The following COL9A1 variants were observed in gnomAD, a reference collection of about 807,000 sequenced individuals.
COL9A1 encodes collagen alpha-1(IX) chain.
Under a neutral mutation model 142.6 loss-of-function variants are expected in COL9A1, and 104 were observed. The ratio of observed to expected loss-of-function variants is 0.73; its 90% confidence interval spans 0.62 to 0.86. COL9A1 has a LOEUF of 0.86. Ranked by LOEUF, COL9A1 falls within the 40% of genes least tolerant of loss-of-function variation. COL9A1 has a pLI of 0.00. For synonymous variants in COL9A1, 466 were observed against 396.0 expected (o/e 1.18, Z -2.10); for missense variants, 1,210 against 1,176.6 (o/e 1.03, Z -0.42).
At position 70,271,685 on chromosome 6, in the gene COL9A1, G is replaced by A. The variant is rs1298969461; in HGVS notation, c.1113C>T (p.Leu371=). ...GTCCTACACGGCCAAGCTCTCCAGG[G>A]AGTCCTGCTGTCCCAGGAGGACCCT... The part of the protein sequence containing the change: ...GPPGPPGTAG[L]PGELGRVGPV... The change falls in exon 14 of 38, where the codon CTC becomes CTT. Residue 371 remains leucine, a synonymous_variant. Coordinates refer to ENST00000357250, the MANE Select transcript of COL9A1 (RefSeq NM_001851.6). 5 of 1,613,890 alleles carry A rather than the reference G, an allele frequency of 3.1e-6. No individual in the cohort carries two copies. Among genetic ancestry groups the A allele is most frequent in the Non-Finnish European group, 4.2e-6 (5 of 1,179,836 alleles).
In COL9A1 at chr6:70,270,354, C is replaced by T. The variant is rs1334455354; in HGVS notation, c.1157G>A (p.Arg386Lys). The change falls in exon 15 of 38, where the codon AGA (arginine) becomes AAA (lysine). Residue 386 changes from arginine (R) to lysine (K), a missense_variant. Physicochemically the swap from Arg to Lys is conservative, Grantham distance 26. Transcript: ENST00000357250. Reference sequence around the variant, plus strand: ...GCCAGGGGGGCCAGGTGGTCCTCTTCTCCCAGGGTCACCCTAAGTTATTTG... The same window carrying T: ...GCCAGGGGGGCCAGGTGGTCCTCTTTTCCCAGGGTCACCCTAAGTTATTTG... ...GRVGPVGDPG[R>K]RGPPGPPGPP... 6.2e-7 allele frequency: 1 copy of T among 1,613,670 alleles called. No individual in the cohort carries two copies. Among genetic ancestry groups the T allele is most frequent in the Non-Finnish European group, 8.5e-7 (1 of 1,179,870 alleles).
intron 28 of COL9A1, among the ~76,000 whole-genome samples, chr6:70,243,448 A>G (rs1034722546): frequency 6.6e-6 from 1 of 152,240 alleles, no homozygotes; most frequent in African/African-American, 2.4e-5. Flanking sequence ...CTATTGAGAA[A>G]AAGAAACACA....
chr6:70,259,739 C>T (rs191499531), intron 20 of COL9A1, among the ~76,000 whole-genome samples: 1 of 152,286 alleles, frequency 6.6e-6, no homozygotes, highest in African/African-American at 2.4e-5. Context: ...AGTTAACTAA[C>T]TACTTATTTG....
chr6:70,250,445 A>G (rs1290811418), intron 28 of COL9A1, among the ~76,000 whole-genome samples: 1 of 152,214 alleles, frequency 6.6e-6, no homozygotes, highest in African/African-American at 2.4e-5. Context: ...TTAGAAATTC[A>G]CAAGCTTCAA....
intron 20 of COL9A1, 127 bp downstream of exon 20, chr6:70,260,530 A>G (rs1008647831): frequency 5.1e-6 from 4 of 778,890 alleles, no homozygotes; most frequent in African/African-American, 3.6e-5. Flanking sequence ...CCTGGGCAAC[A>G]AGAGTGAAAC....
Position 70,300,001 on chromosome 6 carries a change from T to A in COL9A1, c.299+42A>T, listed in dbSNP as rs762935855. The A allele has an allele frequency of 3.2e-6, 5 of 1,578,588 alleles. No homozygotes were observed. The South Asian group carries it at 5.5e-5, about 18-fold the overall frequency. On this transcript the variant is annotated intron_variant, in intron 4 of 37. Transcript: ENST00000357250. ...TGGATAGCTATCCATTTTTAATGCA[T>A]TTGAGTCAGATAATTAGATTAAAAT...
At chr6:70,255,818 G>A (rs1771250362) in intron 21 of COL9A1, among the ~76,000 whole-genome samples, 1 of 123,510 alleles carries the variant, frequency 8.1e-6, no homozygotes, top group African/African-American at 3.0e-5. Flanking sequence ...AAGTGATCTA[G>A]CTAATGTTGA....
At chr6:70,262,125 T>C (rs1195595068) in intron 19 of COL9A1, among the ~76,000 whole-genome samples, 2 of 152,026 alleles carry the variant, frequency 1.3e-5, no homozygotes, top group African/African-American at 2.4e-5. Context: ...TATAAAATTT[T>C]TTTAAAAAAC....
At chr6:70,245,611 A>G (rs1296893116) in intron 28 of COL9A1, 1 of 152,206 alleles carries the variant, frequency 6.6e-6, no homozygotes, top group East Asian at 1.9e-4. Context: ...TCCAATTTAT[A>G]ATAAAGGAAT....
intron 10 of COL9A1, chr6:70,280,385 G>T: frequency 8.5e-7 from 1 of 1,172,488 alleles, no homozygotes; most frequent in East Asian, 4.4e-5. Flanking sequence ...AATTAATGCA[G>T]GGAGTGCCGG....
At chr6:70,275,872 G>A (rs2127593580) in intron 10 of COL9A1, among the ~76,000 whole-genome samples, 1 of 152,100 alleles carries the variant, frequency 6.6e-6, no homozygotes, top group East Asian at 1.9e-4. Context: ...AAATATGAAA[G>A]CCCTACTTAA....
chr6:70,255,655 A>G (rs1271823135), intron 21 of COL9A1, among the ~76,000 whole-genome samples: 2 of 152,238 alleles, frequency 1.3e-5, no homozygotes, highest in African/African-American at 4.8e-5. Flanking sequence ...TGTGTAACAT[A>G]TAATGGATCC....
At chr6:70,234,299 C>CAAAAAAAAAAAAAAA (rs1376237848) in intron 35 of COL9A1, among the ~76,000 whole-genome samples, 2 of 132,020 alleles carry the variant, frequency 1.5e-5, no homozygotes. Context: ...AAAAACAAAA[C>CAAAAAAAAAAAAAAA]AAAACAAAAA....
chr6:70,256,102 T>C (rs1771272749), intron 21 of COL9A1, among the ~76,000 whole-genome samples: 1 of 152,200 alleles, frequency 6.6e-6, no homozygotes, highest in African/African-American at 2.4e-5. Flanking sequence ...GCCACCCCTG[T>C]ACTTTGCTGT....
At chr6:70,220,582 TAACATAGCAGATTGTC>T (rs1171991094) in intron 37 of COL9A1, among the ~76,000 whole-genome samples, 1 of 149,038 alleles carries the variant, frequency 6.7e-6, no homozygotes, top group Non-Finnish European at 1.5e-5. Flanking sequence ...AAAACAGCCT[TAACATAGCAGATTGTC>T]AGGCTCTGGA....
intron 1 of COL9A1, 130 bp from the exon 2 acceptor site, chr6:70,302,204 C>CTTTTTTTTTTTT (rs202054376): frequency 2.1e-5 from 6 of 288,316 alleles, no homozygotes; most frequent in Non-Finnish European, 3.9e-5. Flanking sequence ...TTTTTCATTT[C>CTTTTTTTTTTTT]TTTTTTTTTT....
At chr6:70,242,304 C>A in intron 29 of COL9A1, 1 of 585,160 alleles carries the variant, frequency 1.7e-6, no homozygotes, top group Non-Finnish European at 3.0e-6. Flanking sequence ...CCCCCGCCAC[C>A]CCCGCACTGC....
At chr6:70,240,117 T>C (rs1223820673) in intron 32 of COL9A1, among the ~76,000 whole-genome samples, 1 of 152,214 alleles carries the variant, frequency 6.6e-6, no homozygotes, top group Non-Finnish European at 1.5e-5. Flanking sequence ...ACCATAATGA[T>C]GAGCCTGCAA....
At chr6:70,286,952 C>T (rs540227980) in intron 5 of COL9A1, among the ~76,000 whole-genome samples, 2 of 152,286 alleles carry the variant, frequency 1.3e-5, no homozygotes, top group East Asian at 1.9e-4. Context: ...TTGGGATAGA[C>T]ACCATGAAAG....
Sources: allele counts gnomAD v4.1 joint callset (sites outside exome capture counted in the v4.1 genomes callset), GRCh38; gene constraint gnomAD v4.1.1; transcripts MANE v1.5; gene names NCBI Gene and HGNC (gene_info 2026-07-23, HGNC 2026-07-21).